Variants in MRI1 observed in about 807,000 individuals in gnomAD.
MRI1 encodes the protein methylthioribose-1-phosphate isomerase 1.
In MRI1, 32 loss-of-function variants were observed where a neutral mutation model predicts 27.3. The ratio of observed to expected loss-of-function variants is 1.17; its 90% CI spans 0.88 to 1.57. MRI1 has a LOEUF of 1.57. MRI1 is among the 40% of genes most tolerant of loss of function. The pLI is 0.00. For synonymous variants in MRI1, 216 were observed against 227.4 expected, an observed-to-expected ratio of 0.95 and a Z score of 0.45; for missense variants, 508 against 516.1, an observed-to-expected ratio of 0.98 and a Z score of 0.15.
chr19:13,768,507 C>T, intron 3 of MRI1, 54 bp from the exon 4 acceptor site: 1 of 1,593,542 alleles, frequency 6.3e-7, no homozygotes, highest in Non-Finnish European at 8.6e-7. Flanking sequence ...AATGGACCAC[C>T]CTGTCTGTTT....
chr19:13,768,556 C>A lies in MRI1; in HGVS notation c.548-5C>A. The A allele has an allele frequency of 6.2e-7, 1 of 1,601,046 alleles. No homozygotes were observed. The highest frequency in any genetic ancestry group is 1.1e-5 in the South Asian group (1 of 89,516). The stretch of plus-strand genomic sequence containing the variant: ...GCCTTCTCCTGGTGGGTGGGGCCCC[C>A]GCAGGTGTGATTCGCTCACTGCACA... On this transcript the variant is annotated splice_region_variant and splice_polypyrimidine_tract_variant and intron_variant, in intron 3 of 5. Coordinates refer to ENST00000040663, the MANE Select transcript of MRI1 (RefSeq NM_001031727.4).
rs772947643 is a variant in MRI1, at chr19:13,764,616, C to T, written c.28C>T (p.Arg10Trp). The T allele has an allele frequency of 5.8e-5, 94 of 1,609,636 alleles. No homozygotes were observed. In the East Asian group the frequency reaches 8.5e-4, roughly 15 times the overall value. ...GACCCTGGAGGCGATCCGCTACTCG[C>T]GGGGCTCCCTGCAGATCCTAGACCA... MTLEAIRYS[R>W]GSLQILDQLL... Residue 10 changes from arginine to tryptophan, a missense_variant, in exon 1 of 6, where the codon CGG becomes TGG. Arg to Trp is a moderately radical substitution (Grantham distance 101). This residue lies in a region of MRI1 where 32 missense variants were observed against 20.2 expected (regional missense o/e 1.58). Transcript: ENST00000040663.
At position 13,764,578 on chromosome 19, in the gene MRI1, G is replaced by A. The variant is rs1248956044; in HGVS notation, c.-11G>A. ...CTCCCTCTGAGTTGCGCTGGGCTTG[G>A]CTGCTGCACCATGACCCTGGAGGCG... On this transcript the variant is annotated 5_prime_UTR_variant, in exon 1 of 6. Transcript: ENST00000040663. 10 of 1,606,502 alleles carry A rather than the reference G, an allele frequency of 6.2e-6. No individual in the cohort carries two copies. Among genetic ancestry groups the A allele is most frequent in the Non-Finnish European group, 8.5e-6 (10 of 1,177,846 alleles).
rs79169978 is a variant in MRI1, at chr19:13,764,607, C to G, written c.19C>G (p.Arg7Gly). The change falls in exon 1 of 6, where the codon CGC (arginine) becomes GGC (glycine). Residue 7 changes from arginine to glycine, a missense_variant. Arg to Gly is a moderately radical substitution (Grantham distance 125, BLOSUM62 -2). Coordinates refer to ENST00000040663, the MANE Select transcript of MRI1 (RefSeq NM_001031727.4). ...CTGCACCATGACCCTGGAGGCGATC[C>G]GCTACTCGCGGGGCTCCCTGCAGAT... MTLEAI[R>G]YSRGSLQILD... The G allele has an allele frequency of 6.2e-7, 1 of 1,609,460 alleles. No homozygotes were observed. The highest frequency in any genetic ancestry group is 1.3e-5 in the African/African-American group (1 of 74,922).
At chr19:13,764,752 GGGGCGGCGGGGCGGCGGGGCGGC>G (rs1216014875) in intron 1 of MRI1, 32 bp downstream of exon 1, 6 of 87,836 alleles carry the variant, frequency 6.8e-5, no homozygotes, top group African/African-American at 6.1e-4. Flanking sequence ...GCGGGGCGGC[GGGGCGGCGGGGCGGCGGGGCGGC>G]GGGGCGGCGG....
Position 13,772,224 on chromosome 19 carries a change from A to G in MRI1, c.1053A>G (p.Thr351=). The G allele has an allele frequency of 6.2e-7, 1 of 1,614,104 alleles. No individual in the cohort carries two copies. Among genetic ancestry groups the G allele is most frequent in the African/African-American group, 1.3e-5 (1 of 75,036 alleles). ...TCTTTGCCCCTGAGGAGCTCCGGAC[A>G]GCCCTAACCACCACCATCTCTTCCA... ...LGVFAPEELR[T]ALTTTISSRD... The change falls in exon 6 of 6, where the codon ACA becomes ACG. Residue 351 remains threonine (T), a synonymous_variant. Coordinates refer to ENST00000040663, the MANE Select transcript of MRI1 (RefSeq NM_001031727.4).
At chr19:13,765,846 G>A in intron 2 of MRI1, 108 bp from the exon 3 acceptor site, 3 of 1,273,514 alleles carry the variant, frequency 2.4e-6, no homozygotes, top group South Asian at 1.5e-5. Context: ...ACAGCAATGA[G>A]AGGCTTTGAG....
Position 13,769,013 on chromosome 19 carries a change from T to C in MRI1, c.914T>C (p.Leu305Pro). ...IIIEERPGQE[L>P]TDVNGVRIAA... ...ATTGAAGAGCGACCGGGCCAGGAGC[T>C]GACCGATGTTAATGGGGTCCGGATT... Residue 305 changes from leucine to proline, a missense_variant, in exon 5 of 6, where the codon CTG becomes CCG. Transcript: ENST00000040663. 6.2e-7 allele frequency: 1 copy of C among 1,613,442 alleles called. No individual in the cohort carries two copies. The highest frequency in any genetic ancestry group is 8.5e-7 in the Non-Finnish European group (1 of 1,179,716).
intron 2 of MRI1, 28 bp from the exon 3 acceptor site, chr19:13,765,926 T>C: frequency 6.4e-7 from 1 of 1,559,384 alleles, no homozygotes; most frequent in South Asian, 1.2e-5. Flanking sequence ...TCCTGGTGGC[T>C]GGTGCTGAAA....
chr19:13,771,041 AC>A (rs1320513043), intron 5 of MRI1, among the ~76,000 whole-genome samples: 12 of 151,958 alleles, frequency 7.9e-5, no homozygotes, highest in Non-Finnish European at 1.6e-4. Flanking sequence ...AGCCTGGGCA[AC>A]ATTGCCAGAC....
intron 2 of MRI1, 33 bp downstream of exon 2, chr19:13,765,142 G>T (rs915218002): frequency 8.8e-6 from 13 of 1,474,044 alleles, no homozygotes; most frequent in Non-Finnish European, 1.2e-5. Flanking sequence ...ACGGCGCTGA[G>T]CAGGAATTAT....
At position 13,766,027 on chromosome 19, in the gene MRI1, C is replaced by G. The variant is rs551664067; in HGVS notation, c.445C>G (p.Arg149Gly). ...DNRSIGDLGA[R>G]HLLERVAPSG... ...CCGAAGCATTGGGGACCTAGGAGCC[C>G]GCCACCTCCTGGAGCGGGTGGCCCC... is the stretch of plus-strand genomic sequence containing the variant. Residue 149 changes from arginine to glycine, a missense_variant, in exon 3 of 6, where the codon CGC (arginine) becomes GGC (glycine). Physicochemically the swap from Arg to Gly is moderately radical, Grantham distance 125. This residue lies in a region of MRI1 where 457 missense variants were observed against 452.8 expected (regional missense o/e 1.01). Transcript: ENST00000040663. 3 of 1,613,224 alleles carry G rather than the reference C, an allele frequency of 1.9e-6. No homozygotes were observed. Among genetic ancestry groups the G allele is most frequent in the Admixed American group, 1.7e-5 (1 of 59,944 alleles).
chr19:13,764,989 G>A lies in MRI1; in HGVS notation c.251G>A (p.Ser84Asn). ...ALVAFVRDKL[S>N]FLVTARPTAV... ...GTGGCCTTCGTGCGCGACAAGCTGA[G>A]CTTCCTCGTCACCGCCCGGCCCACC... The change falls in exon 2 of 6, where the codon AGC becomes AAC. Residue 84 changes from serine (S) to asparagine (N), a missense_variant. Transcript: ENST00000040663. 3 of 1,521,588 alleles carry A rather than the reference G, an allele frequency of 2.0e-6. No individual in the cohort carries two copies. In the South Asian group the frequency reaches 3.6e-5, roughly 19 times the overall value. 94.3% of individuals were successfully genotyped at this position (1,521,588 alleles called of 1,614,324 possible). A position where few individuals can be genotyped will look rare whatever the true frequency, so the allele number is the denominator to read the frequency against.
At chr19:13,766,531 C>T (rs541162434) in intron 3 of MRI1, among the ~76,000 whole-genome samples, 15 of 152,200 alleles carry the variant, frequency 9.9e-5, no homozygotes, top group African/African-American at 2.6e-4. Context: ...CAGGGCAGGA[C>T]GTGGACTCCA....
intron 2 of MRI1, 72 bp downstream of exon 2, chr19:13,765,181 C>T (rs1974094983): frequency 8.0e-7 from 1 of 1,253,780 alleles, no homozygotes; most frequent in African/African-American, 1.6e-5. Context: ...CAGTGACCCA[C>T]TATACAGATG....
At position 13,765,039 on chromosome 19, in the gene MRI1, C is replaced by T. The variant is rs750615781; in HGVS notation, c.301C>T (p.Arg101Cys). The change falls in exon 2 of 6, where the codon CGC becomes TGC. Residue 101 changes from arginine to cysteine, a missense_variant. Physicochemically the swap from Arg to Cys is radical, Grantham distance 180. Coordinates refer to ENST00000040663, the MANE Select transcript of MRI1 (RefSeq NM_001031727.4). ...CGCTGTCAACATGGCCCGCGCCGCC[C>T]GCGACCTGGCTGATGTTGCAGCCCG... ...PTAVNMARAARDLADVAAREA... is the reference protein window; with the variant it reads ...PTAVNMARAACDLADVAAREA... 3 of 1,525,344 alleles carry T rather than the reference C, an allele frequency of 2.0e-6. No individual in the cohort carries two copies. The highest frequency in any genetic ancestry group is 2.0e-5 in the Admixed American group (1 of 49,928). 94.5% of individuals were successfully genotyped at this position (1,525,344 alleles called of 1,614,324 possible). A position where few individuals can be genotyped will look rare whatever the true frequency, so the allele number is the denominator to read the frequency against.
At chr19:13,765,806 C>T (rs192282495) in intron 2 of MRI1, 148 bp from the exon 3 acceptor site, 74 of 788,786 alleles carry the variant, frequency 9.4e-5, no homozygotes, top group Non-Finnish European at 1.3e-4. Context: ...AGTGACACTT[C>T]GGTGGCCCTG....
chr19:13,768,201 G>T (rs1017703952), intron 3 of MRI1, among the ~76,000 whole-genome samples: 12 of 152,096 alleles, frequency 7.9e-5, no homozygotes, highest in Non-Finnish European at 1.3e-4. Context: ...TGAGTCCATG[G>T]ATGGAGAACC....
At chr19:13,769,490 A>G (rs1387774198) in intron 5 of MRI1, among the ~76,000 whole-genome samples, 1 of 152,110 alleles carries the variant, frequency 6.6e-6, no homozygotes, top group Non-Finnish European at 1.5e-5. Context: ...TAACAGGTGC[A>G]TCCTGGAGGT....
Sources: allele counts gnomAD v4.1 joint callset (sites outside exome capture counted in the v4.1 genomes callset), GRCh38; gene constraint gnomAD v4.1.1; regional missense constraint gnomAD v4.1.1; transcripts MANE v1.5; gene names NCBI Gene and HGNC (gene_info 2026-07-23, HGNC 2026-07-21).